The following CREB3L2 variants were observed in gnomAD, a reference collection of about 807,000 sequenced individuals.
The protein encoded by CREB3L2 is cAMP responsive element binding protein 3 like 2.
In CREB3L2, 23 loss-of-function variants were observed where a neutral mutation model predicts 57.2. That is an observed-to-expected ratio of 0.40 (90% CI 0.29 to 0.57). The LOEUF (loss-of-function observed/expected upper bound fraction) is 0.57. CREB3L2 is among the 20% of genes least tolerant of loss of function. The pLI, the probability that CREB3L2 is intolerant of heterozygous loss-of-function variation, is 0.42. For missense variants in CREB3L2, 628 were observed against 634.7 expected, an observed-to-expected ratio of 0.99 and a Z score of 0.11; for synonymous variants, 268 against 265.1, an observed-to-expected ratio of 1.01 and a Z score of -0.11.
intron 1 of CREB3L2, among the ~76,000 whole-genome samples, chr7:137,938,710 T>C (rs566512855): frequency 1.3e-3 from 203 of 152,310 alleles, no homozygotes; most frequent in African/African-American, 4.5e-3. Flanking sequence ...TTTTTACATA[T>C]GATATTTGCT....
chr7:137,977,246 T>C (rs1233520547), intron 1 of CREB3L2, among the ~76,000 whole-genome samples: 1 of 152,122 alleles, frequency 6.6e-6, no homozygotes, highest in Non-Finnish European at 1.5e-5. Context: ...GGATTAGCAA[T>C]AAACCCTGCC....
intron 1 of CREB3L2, among the ~76,000 whole-genome samples, chr7:137,971,861 A>C (rs980162276): frequency 6.6e-6 from 1 of 152,028 alleles, no homozygotes; most frequent in Non-Finnish European, 1.5e-5. Flanking sequence ...TGAACAATAC[A>C]CGGCCATTAA....
At chr7:137,935,253 G>C (rs965600281) in intron 1 of CREB3L2, among the ~76,000 whole-genome samples, 2 of 152,192 alleles carry the variant, frequency 1.3e-5, no homozygotes, top group African/African-American at 4.8e-5. Flanking sequence ...TCACTGCATA[G>C]CAATCTTTTA....
chr7:137,931,842 A>G (rs1800649833), intron 1 of CREB3L2, among the ~76,000 whole-genome samples: 1 of 152,218 alleles, frequency 6.6e-6, no homozygotes, highest in African/African-American at 2.4e-5. Flanking sequence ...AAAAATAAAT[A>G]AATACAATTT....
chr7:137,922,416 G>GTATATA (rs1179011567), intron 2 of CREB3L2, among the ~76,000 whole-genome samples: 17 of 17,258 alleles, frequency 9.9e-4, no homozygotes, highest in African/African-American at 2.5e-3. Flanking sequence ...ATATATATAT[G>GTATATA]TATATATATA....
intron 1 of CREB3L2, chr7:137,953,505 G>T (rs763759786): frequency 3.1e-6 from 4 of 1,288,986 alleles, no homozygotes; most frequent in Admixed American, 4.6e-5. Flanking sequence ...CCCAACACAC[G>T]ACTCTCCTGA....
At chr7:137,922,218 A>G (rs1800297255) in intron 2 of CREB3L2, among the ~76,000 whole-genome samples, 1 of 151,166 alleles carries the variant, frequency 6.6e-6, no homozygotes, top group Non-Finnish European at 1.5e-5. Flanking sequence ...TTTTCCTTTA[A>G]ATACTCAAGT....
At chr7:137,974,625 G>A (rs1223433875) in intron 1 of CREB3L2, among the ~76,000 whole-genome samples, 1 of 152,174 alleles carries the variant, frequency 6.6e-6, no homozygotes, top group Admixed American at 6.5e-5. Flanking sequence ...AATAGTCCTG[G>A]CAAAAGACAG....
intron 1 of CREB3L2, among the ~76,000 whole-genome samples, chr7:137,946,354 G>A (rs1269585480): frequency 6.6e-6 from 1 of 151,492 alleles, no homozygotes; most frequent in Non-Finnish European, 1.5e-5. Flanking sequence ...TTTAAAAGAA[G>A]GTCTAGAAAT....
intron 1 of CREB3L2, among the ~76,000 whole-genome samples, chr7:137,978,043 T>C (rs541390587): frequency 3.8e-4 from 58 of 152,154 alleles, no homozygotes; most frequent in Non-Finnish European, 7.8e-4. Flanking sequence ...TAGCCTTTTC[T>C]GAAGAGATTC....
rs1777286473 is a variant in CREB3L2, at chr7:137,877,681, GCT to G, written c.*2793_*2794del. 4.4e-6 allele frequency: 1 copy of G among 226,400 alleles called. No individual in the cohort carries two copies. Among genetic ancestry groups the G allele is most frequent in the Non-Finnish European group, 8.8e-6 (1 of 113,984 alleles). 14.0% of individuals were successfully genotyped at this position (226,400 alleles called of 1,614,324 possible). ...GATTGACTCTTTATGGCTTATGGCC[GCT>G]CTGACAGACTCGTATTTCTCAAAAC... is the stretch of plus-strand genomic sequence containing the variant. On this transcript the variant is annotated 3_prime_UTR_variant, in exon 12 of 12. Coordinates refer to ENST00000330387, the MANE Select transcript of CREB3L2 (RefSeq NM_194071.4).
chr7:137,984,014 G>A (rs909347672), intron 1 of CREB3L2, among the ~76,000 whole-genome samples: 2 of 152,232 alleles, frequency 1.3e-5, no homozygotes, highest in Non-Finnish European at 1.5e-5. Context: ...GGGATGAGCA[G>A]CCACACCCAG....
At chr7:137,936,262 G>A (rs1047215474) in intron 1 of CREB3L2, among the ~76,000 whole-genome samples, 6 of 152,214 alleles carry the variant, frequency 3.9e-5, no homozygotes, top group African/African-American at 7.2e-5. Context: ...AACTTGCAGA[G>A]CGTGTTCTAA....
At chr7:137,951,107 GT>G (rs1299153425) in intron 1 of CREB3L2, among the ~76,000 whole-genome samples, 2 of 152,232 alleles carry the variant, frequency 1.3e-5, no homozygotes, top group African/African-American at 4.8e-5. Context: ...CCTTCTTGCT[GT>G]AGCTCTCAGG....
intron 4 of CREB3L2, chr7:137,912,742 T>C: frequency 1.8e-6 from 2 of 1,088,954 alleles, no homozygotes; most frequent in Non-Finnish European, 2.6e-6. Context: ...AATATCACCC[T>C]GGTTAGAAGT....
chr7:137,958,116 C>T (rs1011296872), intron 1 of CREB3L2: 24 of 232,096 alleles, frequency 1.0e-4, no homozygotes, highest in African/African-American at 5.3e-4. Context: ...ATGCAATTCC[C>T]TGGGGTCAGT....
At chr7:137,941,896 T>G (rs1480911277) in intron 1 of CREB3L2, among the ~76,000 whole-genome samples, 2 of 152,240 alleles carry the variant, frequency 1.3e-5, no homozygotes, top group Admixed American at 6.5e-5. Context: ...TATCAGTCTC[T>G]TAATACCATA....
rs1026798799 is a variant in CREB3L2 at position 137,928,007 on chromosome 7, C to G, written c.319+143G>C. 6 of 728,286 alleles carry G rather than the reference C, an allele frequency of 8.2e-6. No individual in the cohort carries two copies. In the African/African-American group the frequency reaches 1.1e-4, roughly 13 times the overall value. The allele number at this position is 728,286 out of a possible 1,614,324, so 45.1% of individuals were successfully genotyped here. On this transcript the variant is annotated intron_variant, in intron 2 of 11. Coordinates refer to ENST00000330387, the MANE Select transcript of CREB3L2 (RefSeq NM_194071.4). ...TGGGCCTCTTTGCTTTTCCCCACAGCCCAAGCACAAGGCCGTACACACTGT... is the reference window on the plus strand; with the variant it reads ...TGGGCCTCTTTGCTTTTCCCCACAGGCCAAGCACAAGGCCGTACACACTGT...
At chr7:137,894,245 C>A (rs1199913536) in intron 8 of CREB3L2, among the ~76,000 whole-genome samples, 1 of 152,214 alleles carries the variant, frequency 6.6e-6, no homozygotes, top group Non-Finnish European at 1.5e-5. Flanking sequence ...GCTTCCTTAG[C>A]TGTGACACAA....
Sources: gnomAD v4.1 joint callset for allele counts (sites outside exome capture counted in the v4.1 genomes callset) on GRCh38, gnomAD v4.1.1 for gene constraint, MANE v1.5 for transcripts, NCBI Gene and HGNC (gene_info 2026-07-23, HGNC 2026-07-21) for gene names.